The following COL18A1 variants were observed in gnomAD, a reference collection of about 807,000 sequenced individuals.
COL18A1 encodes the protein collagen type XVIII alpha 1 chain.
A neutral mutation model predicts 168.0 loss-of-function variants in COL18A1; 133 were observed. The ratio of observed to expected loss-of-function variants is 0.79; its 90% CI spans 0.69 to 0.91. COL18A1 has a LOEUF of 0.91. Ranked by LOEUF, COL18A1 falls within the 40% of genes least tolerant of loss-of-function variation. COL18A1 has a pLI of 0.00. For missense variants in COL18A1, 2,126 were observed against 1,925.4 expected (o/e 1.10, Z -1.95); for synonymous variants, 949 against 809.0 (o/e 1.17, Z -2.94).
intron 2 of COL18A1, chr21:45,422,682 A>G (rs1436413891): frequency 3.1e-6 from 1 of 321,456 alleles, no homozygotes; most frequent in East Asian, 1.0e-4. Context: ...AAGGGGAGGT[A>G]GCGGCCCCAG....
chr21:45,456,282 A>T (rs762988380), intron 2 of COL18A1: 1 of 1,570,642 alleles, frequency 6.4e-7, no homozygotes, highest in Admixed American at 1.9e-5. Flanking sequence ...CCCAGCCAGC[A>T]GCTCCAACGC....
intron 41 of COL18A1, 48 bp downstream of exon 41, chr21:45,511,274 A>AAGGCGGGC: frequency 9.2e-7 from 1 of 1,081,632 alleles, no homozygotes; most frequent in Non-Finnish European, 1.4e-6. Flanking sequence ...CCAGCCAGGG[A>AAGGCGGGC]AGGCGGGCGG....
chr21:45,447,750 T>C (rs2034534740), intron 2 of COL18A1, among the ~76,000 whole-genome samples: 1 of 152,162 alleles, frequency 6.6e-6, no homozygotes, highest in Non-Finnish European at 1.5e-5. Flanking sequence ...TTTGAAAATA[T>C]CTGCTTTGTT....
At chr21:45,417,387 G>C (rs1189452412) in intron 2 of COL18A1, among the ~76,000 whole-genome samples, 1 of 152,182 alleles carries the variant, frequency 6.6e-6, no homozygotes, top group African/African-American at 2.4e-5. Context: ...GCCCCCGAAC[G>C]TGCCTGCCTG....
chr21:45,482,203 G>A (rs1469492697), intron 14 of COL18A1, 178 bp downstream of exon 14: 6 of 626,952 alleles, frequency 9.6e-6, no homozygotes, highest in Non-Finnish European at 1.7e-5. Context: ...GCTGGGGCTT[G>A]GGTAGAAATT....
intron 22 of COL18A1, among the ~76,000 whole-genome samples, chr21:45,491,725 G>A (rs917170816): frequency 3.9e-5 from 6 of 152,180 alleles, no homozygotes; most frequent in African/African-American, 7.2e-5. Context: ...ACTGCGGCCC[G>A]TCCATCAGGC....
intron 2 of COL18A1, among the ~76,000 whole-genome samples, chr21:45,422,185 CAT>C (rs2033646482): frequency 1.3e-5 from 2 of 152,136 alleles, no homozygotes; most frequent in Admixed American, 6.5e-5. Flanking sequence ...CACACACACA[CAT>C]GCAGGCACAC....
At chr21:45,415,601 C>T (rs528174127) in intron 2 of COL18A1, among the ~76,000 whole-genome samples, 264 of 152,304 alleles carry the variant, frequency 1.7e-3, no homozygotes, top group Middle Eastern at 3.4e-3. Flanking sequence ...AGCGGGGGTG[C>T]GGCAGGCGGC....
At chr21:45,440,028 AG>A (rs2034326734) in intron 2 of COL18A1, among the ~76,000 whole-genome samples, 1 of 152,222 alleles carries the variant, frequency 6.6e-6, no homozygotes, top group Non-Finnish European at 1.5e-5. Flanking sequence ...AGAAAGCGCC[AG>A]CGGAGGCTGG....
Position 45,471,671 on chromosome 21 carries a change from A to G in COL18A1, c.652-2224A>G, listed in dbSNP as rs936700495. On this transcript the variant is annotated intron_variant, in intron 3 of 41. Coordinates refer to ENST00000651438, the MANE Select transcript of COL18A1 (RefSeq NM_001379500.1). The surrounding 1 kb of genome is among the most constrained non-coding windows in gnomAD (Gnocchi z 4.4). ...GTTTGTCAGTGGTCGTCTCCCGGGA[A>G]ATCATGCACCCCTCCCAGCTGCTGC... Among the ~76,000 whole-genome samples the G allele has an allele frequency of 1.3e-5, 2 of 152,088 alleles. No homozygotes were observed. Among genetic ancestry groups the G allele is most frequent in the Admixed American group, 1.3e-4 (2 of 15,264 alleles).
intron 39 of COL18A1, 71 bp from the exon 40 acceptor site, chr21:45,509,993 G>A (rs2037479198): frequency 6.7e-7 from 1 of 1,498,240 alleles, no homozygotes; most frequent in Non-Finnish European, 8.9e-7. Context: ...CGGGGCCGGG[G>A]TGGTGCGCCC....
In COL18A1 at chr21:45,455,890, C is replaced by T. The variant is rs2034785215; in HGVS notation, c.107-12352C>T. ...CCGAGATCCTGAACGTGGCCAAAGG[C>T]ATCCGGAGCTTCGTCCAGCTGTGGA... On this transcript the variant is annotated intron_variant, in intron 2 of 41. Transcript: ENST00000651438. 1.2e-6 allele frequency: 2 copies of T among 1,613,102 alleles called. No homozygotes were observed. The highest frequency in any genetic ancestry group is 3.3e-5 in the Admixed American group (2 of 60,030).
intron 2 of COL18A1, among the ~76,000 whole-genome samples, chr21:45,452,792 A>G (rs1294238294): frequency 6.7e-6 from 1 of 148,372 alleles, no homozygotes; most frequent in Non-Finnish European, 1.5e-5. Flanking sequence ...GTGAGCATGC[A>G]TGTACATATG....
intron 2 of COL18A1, chr21:45,422,573 C>T (rs1326843900): frequency 1.2e-5 from 6 of 494,934 alleles, no homozygotes; most frequent in African/African-American, 2.0e-5. Flanking sequence ...ATCTGTGAGT[C>T]GCCGTCCTGT....
At chr21:45,412,665 C>T (rs1304848879) in intron 2 of COL18A1, among the ~76,000 whole-genome samples, 2 of 152,234 alleles carry the variant, frequency 1.3e-5, no homozygotes, top group Non-Finnish European at 2.9e-5. Flanking sequence ...GACAATGGAG[C>T]TGGCCCTGCC....
chr21:45,445,246 C>G (rs7276619), intron 2 of COL18A1, among the ~76,000 whole-genome samples: 74,984 of 152,128 alleles, frequency 0.49, 20,182 homozygotes, highest in African/African-American at 0.72. Context: ...TCCCCTCGGC[C>G]TGTGGTTTCC....
chr21:45,495,590 T>G (rs1429107690), intron 29 of COL18A1, 158 bp downstream of exon 29: 11 of 599,830 alleles, frequency 1.8e-5, no homozygotes. Flanking sequence ...CCATGCACAG[T>G]CATACATGTC....
chr21:45,406,581 C>G (rs2033116911), intron 2 of COL18A1, among the ~76,000 whole-genome samples: 2 of 152,148 alleles, frequency 1.3e-5, no homozygotes, highest in African/African-American at 4.8e-5. Flanking sequence ...TGTGAGCTCA[C>G]GCGGCTCCAT....
At chr21:45,472,717 G>T (rs1052613758) in intron 3 of COL18A1, among the ~76,000 whole-genome samples, 1 of 152,208 alleles carries the variant, frequency 6.6e-6, no homozygotes, top group Admixed American at 6.5e-5. Flanking sequence ...GACGCTGAGA[G>T]CCGCTGGTGC....
Sources: allele counts gnomAD v4.1 joint callset (sites outside exome capture counted in the v4.1 genomes callset), GRCh38; gene constraint gnomAD v4.1.1; non-coding constraint Gnocchi (gnomAD v3.1); transcripts MANE v1.5; gene names NCBI Gene and HGNC (gene_info 2026-07-23, HGNC 2026-07-21).